PTPRN2: variants seen among roughly 807,000 people sequenced by gnomAD.
The protein encoded by PTPRN2 is protein tyrosine phosphatase receptor type N2, also known as receptor-type tyrosine-protein phosphatase N2.
A neutral mutation model predicts 118.8 loss-of-function variants in PTPRN2; 74 were observed. The ratio of observed to expected loss-of-function variants is 0.62; its 90% CI spans 0.52 to 0.76. The LOEUF is 0.76. Among genes scored for constraint, PTPRN2 ranks in the 30% least tolerant of loss-of-function variants. PTPRN2 has a pLI of 0.00. For synonymous variants in PTPRN2, 641 were observed against 608.0 expected (o/e 1.05, Z -0.80); for missense variants, 1,481 against 1,394.4 (o/e 1.06, Z -0.99).
chr7:157,940,826 C>A, intron 11 of PTPRN2, among the ~76,000 whole-genome samples: 1 of 91,396 alleles, frequency 1.1e-5, no homozygotes, highest in Non-Finnish European at 1.9e-5. Flanking sequence ...ATGCCCTCCC[C>A]ACAGTGACAC....
chr7:158,135,731 G>A (rs539612480), intron 8 of PTPRN2, among the ~76,000 whole-genome samples: 9 of 152,172 alleles, frequency 5.9e-5, no homozygotes, highest in Non-Finnish European at 1.3e-4. Flanking sequence ...CAGACAGCAG[G>A]TCCCATCATT....
At chr7:158,171,350 C>T (rs111693288) in intron 5 of PTPRN2, among the ~76,000 whole-genome samples, 7,732 of 85,744 alleles carry the variant, frequency 0.09, 753 homozygotes, top group African/African-American at 0.18. Context: ...TATATATATA[C>T]ACACACACAT....
At chr7:157,840,104 C>CGT (rs1349189519) in intron 12 of PTPRN2, among the ~76,000 whole-genome samples, 6 of 138,072 alleles carry the variant, frequency 4.3e-5, no homozygotes, top group African/African-American at 1.8e-4. Context: ...ACTGTGTGAC[C>CGT]GCGTGACTGT....
At chr7:158,343,137 G>A (rs533088455) in intron 2 of PTPRN2, among the ~76,000 whole-genome samples, 4 of 152,116 alleles carry the variant, frequency 2.6e-5, no homozygotes, top group African/African-American at 7.2e-5. Flanking sequence ...AGGGAGTGGG[G>A]AAATATTTGC....
intron 12 of PTPRN2, among the ~76,000 whole-genome samples, chr7:157,720,104 G>C (rs987289056): frequency 6.6e-6 from 1 of 152,208 alleles, no homozygotes; most frequent in Admixed American, 6.5e-5. Context: ...TTTGGCTGGG[G>C]TGTCAGATAT....
chr7:158,540,848 A>G (rs368606916), intron 1 of PTPRN2, among the ~76,000 whole-genome samples: 2 of 152,332 alleles, frequency 1.3e-5, no homozygotes, highest in South Asian at 2.1e-4. Flanking sequence ...GGCTTTCTCC[A>G]TTAGGTCACC....
At chr7:158,210,192 G>A (rs1827491544) in intron 3 of PTPRN2, among the ~76,000 whole-genome samples, 1 of 140,050 alleles carries the variant, frequency 7.1e-6, no homozygotes, top group Non-Finnish European at 1.5e-5. Flanking sequence ...CTGGAGTGCA[G>A]TGGCGCGATC....
chr7:157,748,412 G>GCT (rs1379435698), intron 12 of PTPRN2, among the ~76,000 whole-genome samples: 3 of 149,580 alleles, frequency 2.0e-5, no homozygotes, highest in Non-Finnish European at 3.0e-5. Context: ...TGAGCTGCGG[G>GCT]GTTTCTCGGT....
chr7:158,265,192 C>T (rs1423389797), intron 3 of PTPRN2, among the ~76,000 whole-genome samples: 3 of 152,172 alleles, frequency 2.0e-5, no homozygotes, highest in African/African-American at 7.2e-5. Flanking sequence ...TCGGTAGTGG[C>T]CTCCCACTGA....
intron 12 of PTPRN2, among the ~76,000 whole-genome samples, chr7:157,758,766 C>T (rs772864602): frequency 6.6e-6 from 1 of 150,914 alleles, no homozygotes; most frequent in Non-Finnish European, 1.5e-5. Context: ...CCCCACGCTA[C>T]CCCCCAACCC....
At chr7:157,576,901 ATT>A in intron 18 of PTPRN2, 122 bp from the exon 19 acceptor site, 1 of 1,034,870 alleles carries the variant, frequency 9.7e-7, no homozygotes, top group Non-Finnish European at 1.4e-6. Flanking sequence ...AAGAGGGCAC[ATT>A]TTACAGCGCA....
intron 1 of PTPRN2, among the ~76,000 whole-genome samples, chr7:158,495,555 A>G (rs1280691221): frequency 6.6e-6 from 1 of 151,870 alleles, no homozygotes; most frequent in Non-Finnish European, 1.5e-5. Flanking sequence ...CTACCCCCCA[A>G]TCTCAGCATC....
chr7:157,969,083 G>A (rs949029199), intron 11 of PTPRN2, among the ~76,000 whole-genome samples: 1 of 151,856 alleles, frequency 6.6e-6, no homozygotes, highest in Admixed American at 6.6e-5. Context: ...TGCTGCACAT[G>A]AAGGGTTAAC....
At chr7:158,077,898 C>A (rs1812499401) in intron 11 of PTPRN2, among the ~76,000 whole-genome samples, 1 of 152,210 alleles carries the variant, frequency 6.6e-6, no homozygotes, top group African/African-American at 2.4e-5. Flanking sequence ...GCCAGTTCAA[C>A]TATGTGACTG....
intron 2 of PTPRN2, among the ~76,000 whole-genome samples, chr7:158,441,663 GGTGATGGTGATCA>G (rs1817270372): frequency 8.7e-6 from 1 of 114,974 alleles, no homozygotes; most frequent in East Asian, 3.1e-4. Context: ...TGATGGTGAT[GGTGATGGTGATCA>G]GTGATGGTGG....
Position 157,615,477 on chromosome 7 carries a change from T to G in PTPRN2, c.2344+5885A>C, listed in dbSNP as rs767738999. On this transcript the variant is annotated intron_variant, in intron 15 of 22. Transcript: ENST00000389418. This position sits in a 1 kb window ranked among gnomAD's most constrained non-coding sequence, Gnocchi z 4.3. Reference sequence around the variant, plus strand: ...CCGAGCCTCACGTGGAAACATCTGATGAGCCTTTGCCAATATGCTCGGGAC... The same window carrying G: ...CCGAGCCTCACGTGGAAACATCTGAGGAGCCTTTGCCAATATGCTCGGGAC... 4.2e-6 allele frequency: 2 copies of G among 471,216 alleles called. No individual in the cohort carries two copies. Among genetic ancestry groups the G allele is most frequent in the Admixed American group, 2.3e-5 (1 of 42,594 alleles). 29.2% of individuals were successfully genotyped at this position (471,216 alleles called of 1,614,324 possible). A position where few individuals can be genotyped will look rare whatever the true frequency, so the allele number is the denominator to read the frequency against.
At chr7:157,809,383 G>C (rs1364261735) in intron 12 of PTPRN2, among the ~76,000 whole-genome samples, 1 of 152,112 alleles carries the variant, frequency 6.6e-6, no homozygotes. Context: ...GCTCAGCCCT[G>C]AGCGAGGTGT....
At chr7:158,351,874 C>A (rs1444540064) in intron 2 of PTPRN2, among the ~76,000 whole-genome samples, 1 of 111,744 alleles carries the variant, frequency 8.9e-6, no homozygotes, top group African/African-American at 3.3e-5. Context: ...CAGCCCAGCT[C>A]CCCTCCTGTC....
intron 13 of PTPRN2, among the ~76,000 whole-genome samples, chr7:157,669,881 C>T (rs1434316462): frequency 1.3e-5 from 2 of 152,134 alleles, no homozygotes; most frequent in African/African-American, 4.8e-5. Flanking sequence ...CAGGCGTGTG[C>T]TGTTTCCTAG....
Sources: gnomAD v4.1 joint callset for allele counts (sites outside exome capture counted in the v4.1 genomes callset) on GRCh38, gnomAD v4.1.1 for gene constraint, Gnocchi (gnomAD v3.1) non-coding constraint, MANE v1.5 for transcripts, NCBI Gene and HGNC (gene_info 2026-07-23, HGNC 2026-07-21) for gene names.